IKZF1: variants seen among roughly 807,000 people sequenced by gnomAD.
IKZF1 encodes the protein DNA-binding protein Ikaros.
In IKZF1, 10 loss-of-function variants were observed where a neutral mutation model predicts 51.7. That is an observed-to-expected ratio of 0.19 (90% CI 0.12 to 0.33). IKZF1 has a LOEUF of 0.33. Among genes scored for constraint, IKZF1 ranks in the 10% least tolerant of loss-of-function variants. The pLI is 1.00. For missense variants in IKZF1, 484 were observed against 707.5 expected, an observed-to-expected ratio of 0.68 and a Z score of 3.58; for synonymous variants, 280 against 282.3, an observed-to-expected ratio of 0.99 and a Z score of 0.08.
At chr7:50,322,137 C>T (rs1202183085) in intron 2 of IKZF1, among the ~76,000 whole-genome samples, 4 of 152,076 alleles carry the variant, frequency 2.6e-5, no homozygotes, top group Non-Finnish European at 4.4e-5. Flanking sequence ...CAGTTAAAAC[C>T]AGTATTTGTT....
chr7:50,364,311 A>G (rs565121523), intron 3 of IKZF1, among the ~76,000 whole-genome samples: 48 of 152,398 alleles, frequency 3.1e-4, no homozygotes, highest in Non-Finnish European at 5.9e-4. Flanking sequence ...CAATTCAAAT[A>G]GGATTCAGAA....
chr7:50,334,135 A>G (rs1418362587), intron 3 of IKZF1, among the ~76,000 whole-genome samples: 3 of 152,194 alleles, frequency 2.0e-5, no homozygotes, highest in Non-Finnish European at 4.4e-5. Flanking sequence ...ATAGTTCAAA[A>G]TGTTTAGGGA....
rs1363828091 is a variant in IKZF1 at position 50,376,194 on chromosome 7, C to T, written c.161-339C>T. On this transcript the variant is annotated intron_variant, in intron 3 of 7. Transcript: ENST00000331340. This position sits in a 1 kb window ranked among gnomAD's most constrained non-coding sequence, Gnocchi z 4.5. Reference sequence around the variant, plus strand: ...TAGGGTGTAGGAGTAGGCCTCAGACCACTCCTGACGTGAACCTGCTTAAAG... The same window carrying T: ...TAGGGTGTAGGAGTAGGCCTCAGACTACTCCTGACGTGAACCTGCTTAAAG... 6.6e-6 allele frequency among the ~76,000 whole-genome samples: 1 copy of T among 152,206 alleles called. No homozygotes were observed. Among genetic ancestry groups the T allele is most frequent in the Non-Finnish European group, 1.5e-5 (1 of 68,046 alleles).
intron 4 of IKZF1, among the ~76,000 whole-genome samples, chr7:50,380,072 G>A (rs779811494): frequency 4.6e-5 from 7 of 152,188 alleles, no homozygotes; most frequent in African/African-American, 7.2e-5. Flanking sequence ...CCCCGGCCAC[G>A]CAAGAACACA....
Position 50,400,649 on chromosome 7 carries a change from C to T in IKZF1, c.*22C>T, listed in dbSNP as rs749988329. On this transcript the variant is annotated 3_prime_UTR_variant, in exon 8 of 8. Transcript: ENST00000331340. This position sits in a 1 kb window ranked among gnomAD's most constrained non-coding sequence, Gnocchi z 5.4. ...CTAAAGCCCTCCCGCGCCCCCACCC[C>T]AGACCCCGAGCCACCCCAGGAAAAG... 8 of 1,586,924 alleles carry T rather than the reference C, an allele frequency of 5.0e-6. No homozygotes were observed. In the African/African-American group the frequency reaches 1.1e-4, roughly 21 times the overall value.
chr7:50,362,858 C>T (rs1351184133), intron 3 of IKZF1, among the ~76,000 whole-genome samples: 6 of 152,050 alleles, frequency 3.9e-5, no homozygotes, highest in Non-Finnish European at 7.4e-5. Flanking sequence ...AGCAAGGTCC[C>T]CATGATGCAA....
Position 50,366,247 on chromosome 7 carries a change from A to C in IKZF1, c.161-10286A>C, listed in dbSNP as rs149094417. 3.5e-3 allele frequency among the ~76,000 whole-genome samples: 535 copies of C among 152,328 alleles called. 4 individuals carry two copies. Among genetic ancestry groups the C allele is most frequent in the African/African-American group, 8.2e-3 (342 of 41,562 alleles). ...AACAAACCCGCACATGTACTCCTGA[A>C]CTTAAAAGTTAAATTAAAAAAAAAT... On this transcript the variant is annotated intron_variant, in intron 3 of 7. Coordinates refer to ENST00000331340, the MANE Select transcript of IKZF1 (RefSeq NM_006060.6).
chr7:50,308,271 C>T (rs973036081), intron 1 of IKZF1, among the ~76,000 whole-genome samples: 9 of 152,170 alleles, frequency 5.9e-5, no homozygotes, highest in Admixed American at 3.9e-4. Context: ...CTGAGAAGGG[C>T]CTGGAGGAAG....
chr7:50,328,604 C>T (rs1795661020), intron 3 of IKZF1: 1 of 152,254 alleles, frequency 6.6e-6, no homozygotes, highest in African/African-American at 2.4e-5. Flanking sequence ...GAAGGACATA[C>T]AGGTAAAATG....
chr7:50,379,013 A>G (rs138509059), intron 4 of IKZF1, among the ~76,000 whole-genome samples: 1 of 152,364 alleles, frequency 6.6e-6, no homozygotes, highest in East Asian at 1.9e-4. Flanking sequence ...ATGCTTTCTG[A>G]ATTCTCTATG....
intron 5 of IKZF1, among the ~76,000 whole-genome samples, chr7:50,383,508 C>T (rs1012185540): frequency 1.1e-4 from 17 of 152,184 alleles, no homozygotes; most frequent in Admixed American, 3.9e-4. Flanking sequence ...GGCTCTTGGC[C>T]GGCCTGTCAT....
chr7:50,359,950 C>G (rs921589340), intron 3 of IKZF1, among the ~76,000 whole-genome samples: 1 of 152,216 alleles, frequency 6.6e-6, no homozygotes, highest in Non-Finnish European at 1.5e-5. Flanking sequence ...GGCTGACTCC[C>G]CAGGATTTCT....
intron 3 of IKZF1, among the ~76,000 whole-genome samples, chr7:50,357,343 C>A (rs1803740687): frequency 1.3e-5 from 2 of 149,068 alleles, no homozygotes; most frequent in African/African-American, 2.5e-5. Context: ...AGCCACCACC[C>A]CACCACCCCC....
chr7:50,376,697 G>A lies in IKZF1; in HGVS notation c.325G>A (p.Gly109Ser), dbSNP rs2153469779. ...QGSSALSGVG[G>S]IRLPNGKLKC... ...CAGCTCGGCTTTGTCGGGAGTTGGA[G>A]GCATTCGACTTCCTAACGGAAAACT... The change falls in exon 4 of 8, where the codon GGC becomes AGC. Residue 109 changes from glycine (G) to serine (S), a missense_variant. Coordinates refer to ENST00000331340, the MANE Select transcript of IKZF1 (RefSeq NM_006060.6). The surrounding 1 kb of genome is among the most constrained non-coding windows in gnomAD (Gnocchi z 4.5). 6.2e-7 allele frequency: 1 copy of A among 1,613,984 alleles called. No individual in the cohort carries two copies. The highest frequency in any genetic ancestry group is 8.5e-7 in the Non-Finnish European group (1 of 1,179,894).
intron 5 of IKZF1, among the ~76,000 whole-genome samples, chr7:50,385,916 A>G (rs1159589630): frequency 6.6e-6 from 1 of 152,234 alleles, no homozygotes; most frequent in Non-Finnish European, 1.5e-5. Flanking sequence ...TCGAGAAGTC[A>G]AATTTTGGCT....
At position 50,349,767 on chromosome 7, in the gene IKZF1, A is replaced by G. The variant is rs560922026; in HGVS notation, c.160+22010A>G. 5.1e-4 allele frequency among the ~76,000 whole-genome samples: 78 copies of G among 152,318 alleles called. 1 individual carries two copies. Among genetic ancestry groups the G allele is most frequent in the African/African-American group, 1.8e-3 (76 of 41,560 alleles). On this transcript the variant is annotated intron_variant, in intron 3 of 7. Coordinates refer to ENST00000331340, the MANE Select transcript of IKZF1 (RefSeq NM_006060.6). ...ACCATTTATTCTATTGCATTTTATC[A>G]ATAAATCTTATAGGAAGTACCATCC...
intron 4 of IKZF1, among the ~76,000 whole-genome samples, chr7:50,379,301 TG>T (rs1334604718): frequency 6.6e-6 from 1 of 152,208 alleles, no homozygotes; most frequent in Non-Finnish European, 1.5e-5. Flanking sequence ...CTGTGGCCAT[TG>T]TTCCTCCTCC....
rs766714615 is a variant in IKZF1, at chr7:50,382,715, C to T, written c.589+8C>T. The T allele has an allele frequency of 3.1e-6, 5 of 1,602,572 alleles. No individual in the cohort carries two copies. The highest frequency in any genetic ancestry group is 1.1e-5 in the South Asian group (1 of 90,524). On this transcript the variant is annotated splice_region_variant and intron_variant, in intron 5 of 7. Coordinates refer to ENST00000331340, the MANE Select transcript of IKZF1 (RefSeq NM_006060.6). The stretch of plus-strand genomic sequence containing the variant: ...ACCTGAGGACGCACTCCGGTAGGTC[C>T]CCTGGATGCAGTCCGGGGCTGTCTG...
At chr7:50,311,984 C>T (rs2153342860) in intron 1 of IKZF1, among the ~76,000 whole-genome samples, 1 of 152,258 alleles carries the variant, frequency 6.6e-6, no homozygotes, top group South Asian at 2.1e-4. Flanking sequence ...TGACCTGGGG[C>T]ATGTCTGTGT....
Sources: gnomAD v4.1 joint callset for allele counts (sites outside exome capture counted in the v4.1 genomes callset) on GRCh38, gnomAD v4.1.1 for gene constraint, Gnocchi (gnomAD v3.1) non-coding constraint, MANE v1.5 for transcripts, NCBI Gene and HGNC (gene_info 2026-07-23, HGNC 2026-07-21) for gene names.